The following RBFOX1 variants were observed in gnomAD, a reference collection of about 807,000 sequenced individuals.
The protein encoded by RBFOX1 is RNA binding fox-1 homolog 1.
In RBFOX1, 8 loss-of-function variants were observed where a neutral mutation model predicts 57.7. The observed-to-expected ratio is 0.14, with a 90% CI of 0.08 to 0.25. The LOEUF is 0.25. Among genes scored for constraint, RBFOX1 ranks in the 10% least tolerant of loss-of-function variants. The pLI is 1.00. For missense variants in RBFOX1, 611 were observed against 548.5 expected (o/e 1.11, Z -1.14); for synonymous variants, 326 against 222.4 (o/e 1.47, Z -4.15).
intron 1 of RBFOX1, among the ~76,000 whole-genome samples, chr16:6,283,253 G>A (rs1352793684): frequency 1.3e-5 from 2 of 152,092 alleles, no homozygotes; most frequent in Non-Finnish European, 2.9e-5. Flanking sequence ...CTTGAACCCC[G>A]GAGGTTGAGC....
At chr16:5,267,806 G>A (rs2062899100) in intron 1 of RBFOX1, among the ~76,000 whole-genome samples, 1 of 152,192 alleles carries the variant, frequency 6.6e-6, no homozygotes, top group South Asian at 2.1e-4. Flanking sequence ...CTGAGGTCAG[G>A]CATGGTGGCT....
chr16:7,642,316 T>C (rs2062967262), intron 11 of RBFOX1, among the ~76,000 whole-genome samples: 1 of 152,128 alleles, frequency 6.6e-6, no homozygotes, highest in Non-Finnish European at 1.5e-5. Flanking sequence ...GGATCAGGAC[T>C]CTTTTTTTTA....
intron 4 of RBFOX1, among the ~76,000 whole-genome samples, chr16:5,893,753 C>T (rs2058096976): frequency 6.6e-6 from 1 of 151,894 alleles, no homozygotes; most frequent in East Asian, 1.9e-4. Context: ...TTGCAGTGAG[C>T]CAAGATTGCG....
At chr16:7,587,559 AT>A (rs1396978248) in intron 7 of RBFOX1, among the ~76,000 whole-genome samples, 6 of 152,214 alleles carry the variant, frequency 3.9e-5, no homozygotes, top group Middle Eastern at 3.2e-3. Flanking sequence ...GCTTAAAAAA[AT>A]AATGATGTTG....
At chr16:7,597,582 A>G in intron 9 of RBFOX1, 151 bp downstream of exon 9, 3 of 609,752 alleles carry the variant, frequency 4.9e-6, no homozygotes, top group Non-Finnish European at 5.5e-6. Flanking sequence ...CACCTACATC[A>G]ATAAGATCAT....
intron 3 of RBFOX1, among the ~76,000 whole-genome samples, chr16:7,004,695 T>A (rs1031010271): frequency 1.3e-5 from 2 of 152,224 alleles, no homozygotes; most frequent in African/African-American, 4.8e-5. Flanking sequence ...AAAAGCCACA[T>A]CATAACCAGG....
intron 3 of RBFOX1, among the ~76,000 whole-genome samples, chr16:6,986,883 C>T (rs555750257): frequency 1.3e-5 from 2 of 152,268 alleles, no homozygotes; most frequent in Admixed American, 6.5e-5. Flanking sequence ...CCTAGAATCT[C>T]AAGTTGCAGA....
chr16:6,300,436 C>G (rs750755765), intron 1 of RBFOX1, among the ~76,000 whole-genome samples: 1 of 152,182 alleles, frequency 6.6e-6, no homozygotes, highest in Admixed American at 6.5e-5. Flanking sequence ...TAAATATACA[C>G]AATTTTTGTC....
At chr16:7,451,760 A>G (rs1352123591) in intron 4 of RBFOX1, among the ~76,000 whole-genome samples, 1 of 138,498 alleles carries the variant, frequency 7.2e-6, no homozygotes, top group East Asian at 2.1e-4. Flanking sequence ...CTCATTTTGT[A>G]GAGGCAAGAC....
At chr16:5,915,644 C>A (rs1050555196) in intron 4 of RBFOX1, among the ~76,000 whole-genome samples, 2 of 152,098 alleles carry the variant, frequency 1.3e-5, no homozygotes, top group South Asian at 4.2e-4. Flanking sequence ...CCAGCCTGGC[C>A]AATATGGTAA....
At chr16:6,415,387 A>G (rs957554979) in intron 2 of RBFOX1, among the ~76,000 whole-genome samples, 1 of 151,750 alleles carries the variant, frequency 6.6e-6, no homozygotes, top group African/African-American at 2.4e-5. Flanking sequence ...TAGGAAGAAG[A>G]TGATGCGTTT....
chr16:5,293,299 A>C (rs1361207750), intron 1 of RBFOX1, among the ~76,000 whole-genome samples: 2 of 152,126 alleles, frequency 1.3e-5, no homozygotes, highest in Admixed American at 6.5e-5. Context: ...TAGCTGGCTG[A>C]AGATAAAATC....
At chr16:6,516,842 AGGATG>A (rs1479088050) in intron 2 of RBFOX1, among the ~76,000 whole-genome samples, 4 of 152,154 alleles carry the variant, frequency 2.6e-5, no homozygotes, top group African/African-American at 9.6e-5. Context: ...CCAGGTGTGG[AGGATG>A]GGCATACAGT....
At chr16:5,442,023 A>G (rs1455229859) in intron 1 of RBFOX1, among the ~76,000 whole-genome samples, 2 of 152,184 alleles carry the variant, frequency 1.3e-5, no homozygotes, top group Non-Finnish European at 1.5e-5. Context: ...AACTCTTCCT[A>G]TGACCGGGGA....
At chr16:5,769,624 G>C (rs1324024160) in intron 3 of RBFOX1, among the ~76,000 whole-genome samples, 2 of 152,102 alleles carry the variant, frequency 1.3e-5, no homozygotes, top group East Asian at 3.9e-4. Flanking sequence ...TTGGAATCTA[G>C]TCTGGGCAAC....
At chr16:6,331,679 C>T in intron 2 of RBFOX1, among the ~76,000 whole-genome samples, 1 of 151,208 alleles carries the variant, frequency 6.6e-6, no homozygotes, top group East Asian at 1.9e-4. Context: ...AAATCTCAAC[C>T]ATTTGCTCAA....
At chr16:5,491,892 T>C (rs772396844) in intron 2 of RBFOX1, among the ~76,000 whole-genome samples, 1 of 152,174 alleles carries the variant, frequency 6.6e-6, no homozygotes, top group Non-Finnish European at 1.5e-5. Context: ...CATACAACAA[T>C]GTCCAGGCCT....
chr16:5,699,910 T>C (rs2050976917), intron 3 of RBFOX1, among the ~76,000 whole-genome samples: 1 of 152,188 alleles, frequency 6.6e-6, no homozygotes. Context: ...CTCGGCTCAC[T>C]GCAAGTTCTG....
intron 3 of RBFOX1, among the ~76,000 whole-genome samples, chr16:6,708,408 T>C (rs1278228524): frequency 6.6e-6 from 1 of 152,208 alleles, no homozygotes; most frequent in East Asian, 1.9e-4. Flanking sequence ...GGAGTTAAGT[T>C]CTAAAATTAT....
Sources: allele counts gnomAD v4.1 joint callset (sites outside exome capture counted in the v4.1 genomes callset), GRCh38; gene constraint gnomAD v4.1.1; transcripts MANE v1.5; gene names NCBI Gene and HGNC (gene_info 2026-07-23, HGNC 2026-07-21).